Variants in WDR41 observed in about 807,000 individuals in gnomAD.
The protein encoded by WDR41 is WD repeat-containing protein 41.
In WDR41, 63 loss-of-function variants were observed where a neutral mutation model predicts 69.3. The observed-to-expected ratio is 0.91, with a 90% CI of 0.74 to 1.12. The LOEUF (loss-of-function observed/expected upper bound fraction) is 1.12, where lower values mean the gene tolerates loss of function less well. Among genes scored for constraint, WDR41 ranks in the 50% most tolerant of loss-of-function variants. The pLI, the probability that WDR41 is intolerant of heterozygous loss-of-function variation, is 0.00. For synonymous variants in WDR41, 185 were observed against 192.1 expected (o/e 0.96, Z 0.31); for missense variants, 543 against 534.5 (o/e 1.02, Z -0.16).
At position 77,489,471 on chromosome 5, in the gene WDR41, C is replaced by T; in HGVS notation, c.153G>A (p.Gln51=). The stretch of plus-strand genomic sequence containing the variant: ...TAGCTTCTTACCTGTAGTCATCTAA[C>T]TGTACCAGAAATCGTACAATATCAT... ...AHHDIVRFLV[Q]LDDYRFASAG... Residue 51 remains glutamine, a synonymous_variant, in exon 2 of 13, where the codon CAG becomes CAA. Transcript: ENST00000296679. 1 of 1,598,606 alleles carries T rather than the reference C, an allele frequency of 6.3e-7. No individual in the cohort carries two copies. The highest frequency in any genetic ancestry group is 1.3e-5 in the African/African-American group (1 of 74,122).
Position 77,433,211 on chromosome 5 carries a change from T to C in WDR41, c.1304A>G (p.Glu435Gly). Residue 435 changes from glutamate (E) to glycine (G), a missense_variant, in exon 13 of 13, where the codon GAG becomes GGG. Coordinates refer to ENST00000296679, the MANE Select transcript of WDR41 (RefSeq NM_018268.4). The stretch of plus-strand genomic sequence containing the variant: ...TAAACTGCGCAATCCAGATTCTCGC[T>C]CTCCATTTTTCCACAAAATAATGAG... Reference protein sequence around the residue: ...DHLIILWKNGERESGLRSLRL... With the variant: ...DHLIILWKNGGRESGLRSLRL... The C allele has an allele frequency of 1.2e-6, 2 of 1,614,078 alleles. No individual in the cohort carries two copies. Among genetic ancestry groups the C allele is most frequent in the Non-Finnish European group, 1.7e-6 (2 of 1,179,964 alleles).
At chr5:77,478,465 A>C (rs560831501) in intron 2 of WDR41, among the ~76,000 whole-genome samples, 1 of 152,328 alleles carries the variant, frequency 6.6e-6, no homozygotes, top group Admixed American at 6.5e-5. Context: ...CACATCAAAA[A>C]GCTTATCCAC....
intron 1 of WDR41, among the ~76,000 whole-genome samples, chr5:77,617,707 A>T (rs1411246329): frequency 6.6e-6 from 1 of 152,234 alleles, no homozygotes; most frequent in Admixed American, 6.5e-5. Flanking sequence ...AAGGATTGAA[A>T]GGGAACATAA....
rs1332137023 is a variant in WDR41 at position 77,478,598 on chromosome 5, A to G, written c.167+10859T>C. Among the ~76,000 whole-genome samples, 16 of 152,358 alleles carry G rather than the reference A, an allele frequency of 1.1e-4. No homozygotes were observed. In the East Asian group the frequency reaches 1.7e-3, roughly 17 times the overall value. On this transcript the variant is annotated intron_variant, in intron 2 of 12. Coordinates refer to ENST00000296679, the MANE Select transcript of WDR41 (RefSeq NM_018268.4). ...ACCACATGATTATCTCAACAGATGC[A>G]GAAAAGGCCTTTGACAAAATTCAAC...
At position 77,489,528 on chromosome 5, in the gene WDR41, G is replaced by GAATA; in HGVS notation, c.95_96insTATT (p.Tyr33IlefsTer4). On this transcript the variant is annotated frameshift_variant, in exon 2 of 13. Coordinates refer to ENST00000296679, the MANE Select transcript of WDR41 (RefSeq NM_018268.4). LOFTEE classifies it high-confidence loss of function. ...CCTTCAGTACTAGCAGTTCAGTGTA[G>GAATA]GGATTCTGGGTTTGTTCTTCACCTA... The GAATA allele has an allele frequency of 6.2e-7, 1 of 1,609,838 alleles. No homozygotes were observed. The highest frequency in any genetic ancestry group is 8.5e-7 in the Non-Finnish European group (1 of 1,178,618).
At chr5:77,572,831 A>G (rs1245214082) in intron 1 of WDR41, among the ~76,000 whole-genome samples, 1 of 152,172 alleles carries the variant, frequency 6.6e-6, no homozygotes, top group African/African-American at 2.4e-5. Context: ...CAGGAACCCA[A>G]AGTATTTTAT....
chr5:77,599,197 C>CTTTTTTT (rs34759217), intron 1 of WDR41, among the ~76,000 whole-genome samples: 84 of 76,192 alleles, frequency 1.1e-3, no homozygotes, highest in Admixed American at 1.9e-3. Flanking sequence ...ATCGGAAGCT[C>CTTTTTTT]TTTTTTTTTT....
At chr5:77,571,282 A>G (rs1743728735) in intron 1 of WDR41, among the ~76,000 whole-genome samples, 1 of 152,186 alleles carries the variant, frequency 6.6e-6, no homozygotes, top group African/African-American at 2.4e-5. Context: ...TTTAATACAT[A>G]ATACCCAAAT....
intron 7 of WDR41, among the ~76,000 whole-genome samples, 167 bp downstream of exon 7, chr5:77,451,124 G>A (rs1799612008): frequency 6.6e-6 from 1 of 152,092 alleles, no homozygotes; most frequent in South Asian, 2.1e-4. Flanking sequence ...AAGAAACCTG[G>A]CCTAACATCC....
At chr5:77,579,291 C>T (rs1297974359) in intron 1 of WDR41, among the ~76,000 whole-genome samples, 1 of 152,048 alleles carries the variant, frequency 6.6e-6, no homozygotes, top group African/African-American at 2.4e-5. Context: ...AACCTACATA[C>T]CCAAGAAGTA....
intron 1 of WDR41, chr5:77,582,335 G>A: frequency 6.4e-7 from 1 of 1,565,426 alleles, no homozygotes; most frequent in South Asian, 1.1e-5. Flanking sequence ...AACAAGTGCA[G>A]AGTACGCATG....
At chr5:77,450,090 A>C (rs1799564266) in intron 7 of WDR41, among the ~76,000 whole-genome samples, 1 of 152,200 alleles carries the variant, frequency 6.6e-6, no homozygotes, top group Non-Finnish European at 1.5e-5. Flanking sequence ...TGTGTCCTGA[A>C]GAACTCTCTT....
chr5:77,482,410 T>G (rs1801311527), intron 2 of WDR41, among the ~76,000 whole-genome samples: 1 of 152,214 alleles, frequency 6.6e-6, no homozygotes, highest in Non-Finnish European at 1.5e-5. Context: ...GGTTGATTTA[T>G]CTCTAATATC....
At chr5:77,482,678 C>T (rs938187665) in intron 2 of WDR41, among the ~76,000 whole-genome samples, 7 of 152,070 alleles carry the variant, frequency 4.6e-5, no homozygotes, top group African/African-American at 9.7e-5. Context: ...TAATTTCTGG[C>T]TATCTTGTGT....
chr5:77,549,104 T>G (rs1299365825), intron 1 of WDR41, among the ~76,000 whole-genome samples: 1 of 144,376 alleles, frequency 6.9e-6, no homozygotes, highest in African/African-American at 2.6e-5. Context: ...GGAATAAGAA[T>G]GACACAATGG....
intron 1 of WDR41, among the ~76,000 whole-genome samples, chr5:77,502,703 G>A (rs563317037): frequency 7.9e-5 from 12 of 152,294 alleles, no homozygotes; most frequent in African/African-American, 1.4e-4. Flanking sequence ...AGAAGAGAGC[G>A]GGGGCTGATA....
chr5:77,506,067 C>A (rs1403726895), intron 1 of WDR41, among the ~76,000 whole-genome samples: 1 of 152,090 alleles, frequency 6.6e-6, no homozygotes, highest in Non-Finnish European at 1.5e-5. Flanking sequence ...AGCTTCTGCA[C>A]GGCAAAAGAA....
chr5:77,490,303 C>CAGGA (rs1801715441), intron 1 of WDR41, among the ~76,000 whole-genome samples: 1 of 152,072 alleles, frequency 6.6e-6, no homozygotes, highest in African/African-American at 2.4e-5. Context: ...CTGTGCATTA[C>CAGGA]AGGACATTGA....
At chr5:77,606,197 G>C (rs529389189) in intron 1 of WDR41, among the ~76,000 whole-genome samples, 1 of 152,248 alleles carries the variant, frequency 6.6e-6, no homozygotes, top group African/African-American at 2.4e-5. Context: ...GTTCCTCGAA[G>C]ACAGAGATTA....
Sources: allele counts gnomAD v4.1 joint callset (sites outside exome capture counted in the v4.1 genomes callset), GRCh38; gene constraint gnomAD v4.1.1; transcripts MANE v1.5; gene names NCBI Gene and HGNC (gene_info 2026-07-23, HGNC 2026-07-21).